The following ITPRIPL1 variants were observed in gnomAD, a reference collection of about 807,000 sequenced individuals.
The protein encoded by ITPRIPL1 is inositol 1,4,5-trisphosphate receptor-interacting protein-like 1.
ITPRIPL1 carries 28 observed loss-of-function variants against 40.0 expected under a neutral mutation model. The observed-to-expected ratio is 0.70, with a 90% CI of 0.52 to 0.96. The LOEUF (loss-of-function observed/expected upper bound fraction) is 0.96, where lower values mean the gene tolerates loss of function less well. Among genes scored for constraint, ITPRIPL1 ranks in the 40% least tolerant of loss-of-function variants. The probability of loss-of-function intolerance (pLI) is 0.00; values close to 1 mark genes in which losing one functional copy is unlikely to be tolerated. For missense variants in ITPRIPL1, 638 were observed against 698.0 expected, an observed-to-expected ratio of 0.91 and a Z score of 0.97; for synonymous variants, 251 against 275.7, an observed-to-expected ratio of 0.91 and a Z score of 0.89.
In ITPRIPL1 at chr2:96,325,819, G is replaced by A. The variant is rs771115098; in HGVS notation, c.-21G>A. 23 of 1,613,722 alleles carry A rather than the reference G, an allele frequency of 1.4e-5. No individual in the cohort carries two copies. In the African/African-American group the frequency reaches 2.7e-4, roughly 19 times the overall value. On this transcript the variant is annotated 5_prime_UTR_variant, in exon 2 of 3. Coordinates refer to ENST00000439118, the MANE Select transcript of ITPRIPL1 (RefSeq NM_001008949.3). ...GAGGATAGGCCCAGCTGGCTTCAGCGTCCACACGGCATAGTCCTTCATGAA... is the reference window on the plus strand; with the variant it reads ...GAGGATAGGCCCAGCTGGCTTCAGCATCCACACGGCATAGTCCTTCATGAA...
In ITPRIPL1 at chr2:96,328,117, G is replaced by A. The variant is rs1315775241; in HGVS notation, c.1486G>A (p.Gly496Ser). 3.1e-6 allele frequency: 5 copies of A among 1,613,972 alleles called. No homozygotes were observed. The highest frequency in any genetic ancestry group is 2.2e-5 in the East Asian group (1 of 44,872). ...AAGGTCCCTCCATCATTTCCTCATTGGTAACAATTTTCTGCCCCTGACCAT... is the reference window on the plus strand; with the variant it reads ...AAGGTCCCTCCATCATTTCCTCATTAGTAACAATTTTCTGCCCCTGACCAT... Reference protein sequence around the residue: ...QQRSLHHFLIGNNFLPLTIPI... With the variant: ...QQRSLHHFLISNNFLPLTIPI... Residue 496 changes from glycine (G) to serine (S), a missense_variant, in exon 3 of 3, where the codon GGT (glycine) becomes AGT (serine). By Grantham distance (56) the Gly-to-Ser change is moderately conservative. Coordinates refer to ENST00000439118, the MANE Select transcript of ITPRIPL1 (RefSeq NM_001008949.3).
chr2:96,326,566 G>A, intron 2 of ITPRIPL1, 76 bp from the exon 3 acceptor site: 1 of 1,595,256 alleles, frequency 6.3e-7, no homozygotes. Context: ...GGGGTACCAG[G>A]GCTCTGGGGA....
chr2:96,327,646 T>C lies in ITPRIPL1; in HGVS notation c.1015T>C (p.Phe339Leu), dbSNP rs377205927. The C allele has an allele frequency of 7.8e-5, 125 of 1,612,708 alleles. No individual in the cohort carries two copies. Among genetic ancestry groups the C allele is most frequent in the Non-Finnish European group, 9.0e-5 (106 of 1,179,590 alleles). ...GGCCCTTGTGGCCCACAAGTATGAC[T>C]TTAAACTCAGTCTCCCACCGTCTAC... Reference protein sequence around the residue: ...AWALVAHKYDFKLSLPPSTTS... With the variant: ...AWALVAHKYDLKLSLPPSTTS... Residue 339 changes from phenylalanine (F) to leucine (L), a missense_variant, in exon 3 of 3, where the codon TTT becomes CTT. By Grantham distance (22) the Phe-to-Leu change is conservative. Transcript: ENST00000439118.
In ITPRIPL1 at chr2:96,326,873, C is replaced by A. The variant is rs1392524191; in HGVS notation, c.242C>A (p.Ser81Tyr). ...GAGAACTTCTGGACAGGAGACACAT[C>A]CAGTGACCAGTTAGTGCTGGGGAAG... Reference protein sequence around the residue: ...KAENFWTGDTSSDQLVLGKKD... With the variant: ...KAENFWTGDTYSDQLVLGKKD... The change falls in exon 3 of 3, where the codon TCC becomes TAC. Residue 81 changes from serine to tyrosine, a missense_variant. Transcript: ENST00000439118. 1.2e-6 allele frequency: 2 copies of A among 1,614,208 alleles called. No homozygotes were observed.
At position 96,325,832 on chromosome 2, in the gene ITPRIPL1, A is replaced by G. The variant is rs1243392598; in HGVS notation, c.-8A>G. The G allele has an allele frequency of 3.7e-6, 6 of 1,613,762 alleles. No homozygotes were observed. Among genetic ancestry groups the G allele is most frequent in the Non-Finnish European group, 5.1e-6 (6 of 1,179,776 alleles). Reference sequence around the variant, plus strand: ...GCTGGCTTCAGCGTCCACACGGCATAGTCCTTCATGAATGTTGGTAAGCGC... The same window carrying G: ...GCTGGCTTCAGCGTCCACACGGCATGGTCCTTCATGAATGTTGGTAAGCGC... On this transcript the variant is annotated 5_prime_UTR_variant, in exon 2 of 3. The change creates a new upstream start codon in the 5' untranslated region. Coordinates refer to ENST00000439118, the MANE Select transcript of ITPRIPL1 (RefSeq NM_001008949.3).
downstream of ITPRIPL1, chr2:96,330,247 CAAAAAAAAAAAAAAAAA>C (rs57831992): frequency 2.6e-4 from 6 of 23,126 alleles, no homozygotes; most frequent in East Asian, 2.0e-3. Context: ...GACCGCGTCT[CAAAAAAAAAAAAAAAAA>C]AAAAAAAAAA....
intron 2 of ITPRIPL1, among the ~76,000 whole-genome samples, 153 bp downstream of exon 2, chr2:96,326,002 G>T (rs2064102747): frequency 6.6e-6 from 1 of 152,188 alleles, no homozygotes; most frequent in South Asian, 2.1e-4. Flanking sequence ...AGTGAAGCTA[G>T]CCTGCCCACA....
intron 2 of ITPRIPL1, 47 bp from the exon 3 acceptor site, chr2:96,326,595 A>AT: frequency 6.2e-7 from 1 of 1,612,664 alleles, no homozygotes; most frequent in Non-Finnish European, 8.5e-7. Flanking sequence ...TAGAGAGCAG[A>AT]TAAGTCTGGA....
Position 96,327,342 on chromosome 2 carries a change from C to G in ITPRIPL1, c.711C>G (p.Ile237Met). The G allele has an allele frequency of 1.2e-6, 2 of 1,614,156 alleles. No individual in the cohort carries two copies. Among genetic ancestry groups the G allele is most frequent in the Non-Finnish European group, 1.7e-6 (2 of 1,180,030 alleles). The part of the protein sequence containing the change: ...GTLHETQKFD[I>M]LVPIVPPQGT... Reference sequence around the variant, plus strand: ...TCCATGAGACCCAGAAATTTGATATCCTGGTGCCCATTGTCCCCCCACAGG... The same window carrying G: ...TCCATGAGACCCAGAAATTTGATATGCTGGTGCCCATTGTCCCCCCACAGG... Residue 237 changes from isoleucine to methionine, a missense_variant, in exon 3 of 3, where the codon ATC becomes ATG. By Grantham distance (10) the Ile-to-Met change is conservative. Coordinates refer to ENST00000439118, the MANE Select transcript of ITPRIPL1 (RefSeq NM_001008949.3).
chr2:96,325,906 G>A, intron 2 of ITPRIPL1, 57 bp downstream of exon 2: 1 of 1,591,516 alleles, frequency 6.3e-7, no homozygotes, highest in Non-Finnish European at 8.6e-7. Flanking sequence ...CTTCACGGGT[G>A]GGTGGGGAGG....
downstream of ITPRIPL1, chr2:96,328,801 A>G (rs1458469552): frequency 6.5e-6 from 1 of 152,990 alleles, no homozygotes. Flanking sequence ...GCAACTTCTC[A>G]TAATTTACGA....
Sources: gnomAD v4.1 joint callset for allele counts (sites outside exome capture counted in the v4.1 genomes callset) on GRCh38, gnomAD v4.1.1 for gene constraint, MANE v1.5 for transcripts, NCBI Gene and HGNC (gene_info 2026-07-23, HGNC 2026-07-21) for gene names.